OSBPL1A: variants seen among roughly 807,000 people sequenced by gnomAD.
OSBPL1A encodes the protein oxysterol binding protein like 1A, also known as oxysterol-binding protein-related protein 1.
A neutral mutation model predicts 137.1 loss-of-function variants in OSBPL1A; 80 were observed. The observed-to-expected ratio is 0.58, with a 90% CI of 0.49 to 0.70. The LOEUF (loss-of-function observed/expected upper bound fraction) is 0.70, where lower values mean the gene tolerates loss of function less well. OSBPL1A is among the 30% of genes least tolerant of loss of function. OSBPL1A has a pLI of 0.00. For synonymous variants in OSBPL1A, 365 were observed against 389.7 expected (o/e 0.94, Z 0.75); for missense variants, 970 against 1,129.4 (o/e 0.86, Z 2.02).
chr18:24,388,246 C>T (rs922683304), intron 1 of OSBPL1A, among the ~76,000 whole-genome samples: 27 of 152,090 alleles, frequency 1.8e-4, no homozygotes, highest in Non-Finnish European at 3.4e-4. Flanking sequence ...ACTGTAAACT[C>T]GATGAGAACA....
chr18:24,330,210 A>G (rs1240564236), intron 7 of OSBPL1A, among the ~76,000 whole-genome samples: 1 of 152,166 alleles, frequency 6.6e-6, no homozygotes, highest in East Asian at 1.9e-4. Context: ...GTACAAGTGT[A>G]AATTTTGGGA....
intron 14 of OSBPL1A, among the ~76,000 whole-genome samples, chr18:24,303,111 C>T (rs761923558): frequency 2.0e-5 from 3 of 152,102 alleles, no homozygotes; most frequent in Admixed American, 6.6e-5. Flanking sequence ...AGCGATTCTC[C>T]TGCCTCAGCC....
intron 16 of OSBPL1A, among the ~76,000 whole-genome samples, chr18:24,229,713 C>T (rs114300494): frequency 6.6e-6 from 1 of 152,126 alleles, no homozygotes; most frequent in African/African-American, 2.4e-5. Context: ...ATCAGTGCTA[C>T]ATCTTGGTAT....
chr18:24,340,933 G>T (rs1489658705), intron 5 of OSBPL1A, among the ~76,000 whole-genome samples: 4 of 152,100 alleles, frequency 2.6e-5, no homozygotes, highest in Non-Finnish European at 5.9e-5. Flanking sequence ...ATTCCCTCAT[G>T]TCTCTAATTT....
At chr18:24,293,804 G>A (rs2090237927) in intron 14 of OSBPL1A, among the ~76,000 whole-genome samples, 1 of 152,144 alleles carries the variant, frequency 6.6e-6, no homozygotes. Context: ...GAGAAGATCT[G>A]GAAGCCACTG....
At chr18:24,177,937 G>A in intron 21 of OSBPL1A, 76 bp downstream of exon 21, 1 of 1,390,196 alleles carries the variant, frequency 7.2e-7, no homozygotes, top group South Asian at 1.3e-5. Flanking sequence ...TGAACAGTAA[G>A]GTCAGCTGAG....
At chr18:24,259,787 A>G (rs1425776712) in intron 15 of OSBPL1A, among the ~76,000 whole-genome samples, 1 of 152,206 alleles carries the variant, frequency 6.6e-6, no homozygotes, top group Non-Finnish European at 1.5e-5. Context: ...AAAGTAATTT[A>G]GAGAAATTTC....
chr18:24,377,077 G>C (rs986964907), intron 2 of OSBPL1A, among the ~76,000 whole-genome samples: 1 of 152,270 alleles, frequency 6.6e-6, no homozygotes, highest in Non-Finnish European at 1.5e-5. Flanking sequence ...TGCCGCCAAA[G>C]TGGGAGCCCA....
intron 21 of OSBPL1A, among the ~76,000 whole-genome samples, chr18:24,175,479 C>T (rs938597531): frequency 3.3e-5 from 5 of 152,034 alleles, no homozygotes; most frequent in East Asian, 1.9e-4. Flanking sequence ...TGAGTCACTG[C>T]GCCTGACCTT....
chr18:24,228,290 C>T (rs1038667426), intron 16 of OSBPL1A, among the ~76,000 whole-genome samples: 7 of 150,038 alleles, frequency 4.7e-5, no homozygotes, highest in Admixed American at 4.7e-4. Context: ...CTTTCTTCCC[C>T]CTCCCCTCAC....
At chr18:24,310,872 T>C (rs1210084321) in intron 13 of OSBPL1A, among the ~76,000 whole-genome samples, 1 of 152,216 alleles carries the variant, frequency 6.6e-6, no homozygotes, top group African/African-American at 2.4e-5. Context: ...TTTTTACTTG[T>C]TTAATGTAAT....
intron 13 of OSBPL1A, among the ~76,000 whole-genome samples, chr18:24,311,088 C>T (rs1041850336): frequency 6.6e-6 from 1 of 152,038 alleles, no homozygotes; most frequent in Non-Finnish European, 1.5e-5. Context: ...TGGGAGAGTT[C>T]AAATTCTTTA....
At chr18:24,320,845 T>C (rs1030159399) in intron 7 of OSBPL1A, among the ~76,000 whole-genome samples, 1 of 151,860 alleles carries the variant, frequency 6.6e-6, no homozygotes, top group Non-Finnish European at 1.5e-5. Flanking sequence ...CTGGCCAACA[T>C]GGTGAAACCC....
intron 15 of OSBPL1A, among the ~76,000 whole-genome samples, chr18:24,245,165 C>T (rs574898297): frequency 1.4e-4 from 22 of 152,174 alleles, no homozygotes; most frequent in African/African-American, 3.1e-4. Context: ...CATCATGGCT[C>T]GCTGCAGCCT....
intron 18 of OSBPL1A, among the ~76,000 whole-genome samples, chr18:24,183,514 C>T (rs2086665062): frequency 6.6e-6 from 1 of 151,430 alleles, no homozygotes; most frequent in Non-Finnish European, 1.5e-5. Flanking sequence ...CTCACTGAAA[C>T]CTCCACTTCC....
chr18:24,376,105 G>A (rs979591994), intron 2 of OSBPL1A, among the ~76,000 whole-genome samples: 18 of 152,200 alleles, frequency 1.2e-4, no homozygotes, highest in Admixed American at 7.9e-4. Context: ...CTTCCACAGT[G>A]TGGAAGGGGA....
At chr18:24,350,621 C>T (rs1162421188) in intron 4 of OSBPL1A, among the ~76,000 whole-genome samples, 3 of 151,978 alleles carry the variant, frequency 2.0e-5, no homozygotes, top group Non-Finnish European at 4.4e-5. Flanking sequence ...TATATACTTC[C>T]AGTGATTAAA....
intron 4 of OSBPL1A, among the ~76,000 whole-genome samples, chr18:24,344,095 CA>C (rs1187299252): frequency 6.6e-6 from 1 of 152,092 alleles, no homozygotes; most frequent in Non-Finnish European, 1.5e-5. Context: ...GTCTAAAACT[CA>C]AAAACAAAAC....
intron 11 of OSBPL1A, among the ~76,000 whole-genome samples, chr18:24,315,627 TTA>T (rs1175383639): frequency 5.2e-5 from 4 of 76,976 alleles, no homozygotes; most frequent in African/African-American, 1.7e-4. Flanking sequence ...ATATAATTAA[TTA>T]TATATATTAT....
Sources: allele counts gnomAD v4.1 joint callset (sites outside exome capture counted in the v4.1 genomes callset), GRCh38; gene constraint gnomAD v4.1.1; transcripts MANE v1.5; gene names NCBI Gene and HGNC (gene_info 2026-07-23, HGNC 2026-07-21).